UCK2: variants seen among roughly 807,000 people sequenced by gnomAD.
The protein encoded by UCK2 is uridine-cytidine kinase 2, also known as cytidine monophosphokinase 2.
In UCK2, 6 loss-of-function variants were observed where a neutral mutation model predicts 30.8. The observed-to-expected ratio is 0.19, with a 90% confidence interval of 0.11 to 0.38. The LOEUF is 0.38. Among genes scored for constraint, UCK2 ranks in the 10% least tolerant of loss-of-function variants. The pLI is 1.00. For synonymous variants in UCK2, 125 were observed against 133.6 expected (o/e 0.94, Z 0.45); for missense variants, 210 against 339.8 (o/e 0.62, Z 3.00).
intron 4 of UCK2, among the ~76,000 whole-genome samples, chr1:165,898,807 G>A (rs1055063383): frequency 1.3e-5 from 2 of 152,194 alleles, no homozygotes; most frequent in Admixed American, 6.5e-5. Context: ...CCCTCTGGGG[G>A]TTTCTTAGGG....
intron 1 of UCK2, among the ~76,000 whole-genome samples, chr1:165,855,510 CTTTT>C (rs76464312): frequency 3.9e-5 from 5 of 128,204 alleles, no homozygotes; most frequent in East Asian, 2.2e-4. Flanking sequence ...TTTTTCTTTT[CTTTT>C]TTTTTTTTTT....
At chr1:165,869,618 T>A (rs1002578012) in intron 1 of UCK2, among the ~76,000 whole-genome samples, 1 of 150,626 alleles carries the variant, frequency 6.6e-6, no homozygotes, top group Non-Finnish European at 1.5e-5. Flanking sequence ...AAAAAAAAAA[T>A]TGCCATCCTA....
chr1:165,885,163 A>G (rs1471529620), intron 1 of UCK2: 3 of 378,008 alleles, frequency 7.9e-6, no homozygotes, highest in Non-Finnish European at 1.4e-5. Context: ...ATTTATGGAG[A>G]ACATCGGGGT....
intron 1 of UCK2, among the ~76,000 whole-genome samples, chr1:165,883,615 C>G (rs1233071613): frequency 2.6e-5 from 4 of 152,140 alleles, no homozygotes; most frequent in Admixed American, 1.3e-4. Flanking sequence ...TAATTTAGAT[C>G]CTGTATGTGG....
At chr1:165,837,320 A>G (rs539972290) in intron 1 of UCK2, among the ~76,000 whole-genome samples, 2 of 152,304 alleles carry the variant, frequency 1.3e-5, no homozygotes, top group South Asian at 2.1e-4. Flanking sequence ...AGCCTTGAGT[A>G]TCCTGTAATT....
At chr1:165,832,499 A>G (rs747278012) in intron 1 of UCK2, among the ~76,000 whole-genome samples, 1 of 152,284 alleles carries the variant, frequency 6.6e-6, no homozygotes, top group Non-Finnish European at 1.5e-5. Flanking sequence ...TTGATTATCT[A>G]TTCCCTTTGA....
intron 1 of UCK2, among the ~76,000 whole-genome samples, chr1:165,876,934 G>A (rs1384088628): frequency 1.3e-5 from 2 of 152,186 alleles, no homozygotes; most frequent in African/African-American, 2.4e-5. Context: ...ATGTCATGGG[G>A]TTTAGGGCCC....
chr1:165,856,542 A>G (rs1179112006), intron 1 of UCK2, among the ~76,000 whole-genome samples: 1 of 142,514 alleles, frequency 7.0e-6, no homozygotes. Flanking sequence ...CTTGGTTCTT[A>G]GTTTAAAAAT....
At chr1:165,872,997 T>A (rs1655240362) in intron 1 of UCK2, among the ~76,000 whole-genome samples, 1 of 152,202 alleles carries the variant, frequency 6.6e-6, no homozygotes, top group Non-Finnish European at 1.5e-5. Context: ...AGCAACTACC[T>A]TGAAAAGGGC....
At chr1:165,881,862 A>G (rs907027066) in intron 1 of UCK2, among the ~76,000 whole-genome samples, 3 of 152,214 alleles carry the variant, frequency 2.0e-5, no homozygotes, top group Admixed American at 1.3e-4. Flanking sequence ...TGAGATTGGC[A>G]CTTCAGGGAA....
intron 5 of UCK2, among the ~76,000 whole-genome samples, chr1:165,905,563 G>A (rs955513405): frequency 2.0e-4 from 30 of 152,246 alleles, no homozygotes; most frequent in African/African-American, 7.2e-4. Flanking sequence ...AAAAATCCAT[G>A]GTAGATAGTT....
At position 165,856,406 on chromosome 1, in the gene UCK2, A is replaced by ATT. The variant is rs34440554; in HGVS notation, c.99+28487_99+28488dup. 2.2e-3 allele frequency among the ~76,000 whole-genome samples: 306 copies of ATT among 136,088 alleles called. 1 individual carries two copies. Among genetic ancestry groups the ATT allele is most frequent in the African/African-American group, 4.9e-3 (176 of 36,278 alleles). 89.3% of individuals were successfully genotyped at this position (136,088 alleles called of 152,430 possible). A position where few individuals can be genotyped will look rare whatever the true frequency, so the allele number is the denominator to read the frequency against. On this transcript the variant is annotated intron_variant, in intron 1 of 6. Coordinates refer to ENST00000367879, the MANE Select transcript of UCK2 (RefSeq NM_012474.5). ...CTCCTGGTATTTTGGGTATTAGGTG[A>ATT]TTTTTTTTTTTTTTGTCATTAAAAT... is the stretch of plus-strand genomic sequence containing the variant.
chr1:165,903,301 T>C, intron 5 of UCK2, 22 bp downstream of exon 5: 1 of 1,605,342 alleles, frequency 6.2e-7, no homozygotes, highest in Non-Finnish European at 8.5e-7. Context: ...TCTTGGTTTG[T>C]TTTTGTTGAA....
intron 4 of UCK2, among the ~76,000 whole-genome samples, chr1:165,901,254 A>G (rs1647450813): frequency 6.6e-6 from 1 of 152,204 alleles, no homozygotes; most frequent in Admixed American, 6.5e-5. Context: ...TTTTATTACC[A>G]GGTCTCCCAT....
intron 1 of UCK2, among the ~76,000 whole-genome samples, chr1:165,858,573 A>T (rs192042946): frequency 6.6e-6 from 1 of 152,300 alleles, no homozygotes; most frequent in East Asian, 1.9e-4. Flanking sequence ...AAGTGTCTGG[A>T]CATGTCACAC....
intron 1 of UCK2, among the ~76,000 whole-genome samples, chr1:165,855,453 G>A (rs1377006482): frequency 6.6e-6 from 1 of 151,284 alleles, no homozygotes; most frequent in East Asian, 1.9e-4. Flanking sequence ...ATCCATCGTG[G>A]TAGGAAGTAA....
chr1:165,895,840 G>A (rs139247348), intron 3 of UCK2: 2 of 207,652 alleles, frequency 9.6e-6, no homozygotes, highest in East Asian at 1.5e-4. Context: ...TCCTGGAGAC[G>A]CCTTCAGAGA....
chr1:165,895,575 G>A, intron 3 of UCK2: 1 of 985,542 alleles, frequency 1.0e-6, no homozygotes, highest in Non-Finnish European at 1.2e-6. Flanking sequence ...TGGCCACTTT[G>A]TTGGTTTGGG....
intron 1 of UCK2, among the ~76,000 whole-genome samples, chr1:165,873,909 A>AT (rs1453669460): frequency 6.6e-6 from 1 of 151,964 alleles, no homozygotes; most frequent in Non-Finnish European, 1.5e-5. Context: ...TTTCTCTGTG[A>AT]TTTTATCTCC....
Sources: allele counts gnomAD v4.1 joint callset (sites outside exome capture counted in the v4.1 genomes callset), GRCh38; gene constraint gnomAD v4.1.1; transcripts MANE v1.5; gene names NCBI Gene and HGNC (gene_info 2026-07-23, HGNC 2026-07-21).